PHACTR3: variants seen among roughly 807,000 people sequenced by gnomAD.
PHACTR3 encodes the protein protein phosphatase 1, regulatory subunit 123.
A neutral mutation model predicts 66.8 loss-of-function variants in PHACTR3; 16 were observed. The ratio of observed to expected loss-of-function variants is 0.24; its 90% confidence interval spans 0.16 to 0.36. PHACTR3 has a LOEUF of 0.36. Ranked by LOEUF, PHACTR3 falls within the 10% of genes least tolerant of loss-of-function variation. PHACTR3 has a pLI of 1.00. For synonymous variants in PHACTR3, 323 were observed against 292.1 expected, an observed-to-expected ratio of 1.11 and a Z score of -1.08; for missense variants, 647 against 719.9, an observed-to-expected ratio of 0.90 and a Z score of 1.16.
At chr20:59,791,104 T>A (rs1179413360) in intron 7 of PHACTR3, among the ~76,000 whole-genome samples, 1 of 152,156 alleles carries the variant, frequency 6.6e-6, no homozygotes, top group Non-Finnish European at 1.5e-5. Context: ...CCAAAACTCA[T>A]GTTGAAATTT....
intron 1 of PHACTR3, among the ~76,000 whole-genome samples, chr20:59,712,795 G>A (rs1316152421): frequency 6.6e-6 from 1 of 152,184 alleles, no homozygotes; most frequent in Admixed American, 6.5e-5. Context: ...ATTGGCTTGT[G>A]TTTCTCAGCT....
At chr20:59,789,611 G>A (rs374712367) in intron 7 of PHACTR3, among the ~76,000 whole-genome samples, 29 of 152,330 alleles carry the variant, frequency 1.9e-4, no homozygotes, top group African/African-American at 6.7e-4. Flanking sequence ...TGATCACAAT[G>A]AATGACCAGA....
rs563551369 is a variant in PHACTR3, at chr20:59,674,017, C to T, written c.118+68885C>T. Among the ~76,000 whole-genome samples the T allele has an allele frequency of 7.2e-5, 11 of 152,240 alleles. No homozygotes were observed. The East Asian group carries it at 1.9e-3, about 27-fold the overall frequency. Reference sequence around the variant, plus strand: ...CCGCGCTGGTCTCCAGACCTGCCTGCCCGAGGAGTCGAGCTTCTGATGAAA... The same window carrying T: ...CCGCGCTGGTCTCCAGACCTGCCTGTCCGAGGAGTCGAGCTTCTGATGAAA... On this transcript the variant is annotated intron_variant, in intron 1 of 12. Coordinates refer to ENST00000371015, the MANE Select transcript of PHACTR3 (RefSeq NM_080672.5).
intron 7 of PHACTR3, among the ~76,000 whole-genome samples, chr20:59,797,033 T>G (rs188111266): frequency 6.6e-6 from 1 of 152,318 alleles, no homozygotes; most frequent in African/African-American, 2.4e-5. Flanking sequence ...TTTCTTCATT[T>G]TTTAATCCTT....
intron 1 of PHACTR3, chr20:59,676,579 T>C (rs538713618): frequency 2.2e-5 from 8 of 369,026 alleles, no homozygotes; most frequent in African/African-American, 1.6e-4. Flanking sequence ...CTGCGCCGGG[T>C]TGGAGGTTTT....
intron 12 of PHACTR3, among the ~76,000 whole-genome samples, chr20:59,846,819 T>TCTACTGATTTAGC (rs1159893969): frequency 6.6e-6 from 1 of 152,222 alleles, no homozygotes; most frequent in East Asian, 1.9e-4. Flanking sequence ...ATTCATCATT[T>TCTACTGATTTAGC]CTACTGATTT....
chr20:59,819,686 G>C (rs977345978), intron 8 of PHACTR3, among the ~76,000 whole-genome samples: 1 of 152,010 alleles, frequency 6.6e-6, no homozygotes, highest in Non-Finnish European at 1.5e-5. Context: ...GTCAACTGAG[G>C]CACCTGGTTG....
intron 1 of PHACTR3, among the ~76,000 whole-genome samples, chr20:59,686,224 T>C (rs1353073091): frequency 6.6e-6 from 1 of 152,122 alleles, no homozygotes; most frequent in African/African-American, 2.4e-5. Flanking sequence ...ATGAGAAGAG[T>C]GGCCAATAGC....
At chr20:59,793,002 G>A (rs1424492891) in intron 7 of PHACTR3, among the ~76,000 whole-genome samples, 1 of 152,102 alleles carries the variant, frequency 6.6e-6, no homozygotes. Flanking sequence ...CTCAAACATT[G>A]GCTTTCTGAG....
chr20:59,743,571 T>C (rs965176954), intron 2 of PHACTR3, among the ~76,000 whole-genome samples: 1 of 152,200 alleles, frequency 6.6e-6, no homozygotes, highest in African/African-American at 2.4e-5. Context: ...TCTGATTTAC[T>C]TAGGGCTGGG....
At chr20:59,580,877 A>C (rs1290451014) in intron 1 of PHACTR3, among the ~76,000 whole-genome samples, 1 of 152,224 alleles carries the variant, frequency 6.6e-6, no homozygotes, top group Non-Finnish European at 1.5e-5. Flanking sequence ...CACAGAAGCA[A>C]AAGGGCCATC....
intron 8 of PHACTR3, among the ~76,000 whole-genome samples, chr20:59,815,905 G>T (rs1268465854): frequency 6.6e-6 from 1 of 152,106 alleles, no homozygotes; most frequent in African/African-American, 2.4e-5. Context: ...TAGAGCAGCA[G>T]TCCCCATCCA....
At chr20:59,653,122 G>A (rs937332804) in intron 1 of PHACTR3, among the ~76,000 whole-genome samples, 10 of 151,956 alleles carry the variant, frequency 6.6e-5, no homozygotes, top group African/African-American at 2.4e-4. Flanking sequence ...TCTTATAATT[G>A]AAGACAGATG....
At position 59,677,570 on chromosome 20, in the gene PHACTR3, G is replaced by A. The variant is rs143183818; in HGVS notation, c.119-65537G>A. Among the ~76,000 whole-genome samples the A allele has an allele frequency of 6.8e-3, 1,037 of 152,276 alleles. 7 individuals are homozygous for A. The highest frequency in any genetic ancestry group is 9.2e-3 in the Non-Finnish European group (629 of 68,018). On this transcript the variant is annotated intron_variant, in intron 1 of 12. Transcript: ENST00000371015. The stretch of plus-strand genomic sequence containing the variant: ...ATTGGTTTCCAAAGGTGCCTGCTGC[G>A]TTTTTAAGCTGCAAGGTTTTATGTT...
At chr20:59,717,662 C>T (rs763350510) in intron 1 of PHACTR3, among the ~76,000 whole-genome samples, 5 of 151,882 alleles carry the variant, frequency 3.3e-5, no homozygotes, top group Non-Finnish European at 5.9e-5. Flanking sequence ...CTGGTGCTGG[C>T]GTAAACCATG....
chr20:59,670,605 T>TGGG (rs34092952), intron 1 of PHACTR3, among the ~76,000 whole-genome samples: 2 of 47,124 alleles, frequency 4.2e-5, no homozygotes, highest in African/African-American at 9.6e-5. Context: ...CTGCCGGGGG[T>TGGG]GGGGGGGGGG....
chr20:59,716,681 A>G (rs906475566), intron 1 of PHACTR3, among the ~76,000 whole-genome samples: 1 of 152,154 alleles, frequency 6.6e-6, no homozygotes, highest in Non-Finnish European at 1.5e-5. Flanking sequence ...CCTAGCATTT[A>G]CATGTTCATA....
chr20:59,775,324 C>A (rs1023451313), intron 7 of PHACTR3, among the ~76,000 whole-genome samples: 1 of 152,136 alleles, frequency 6.6e-6, no homozygotes, highest in African/African-American at 2.4e-5. Context: ...CGTTGCTGTT[C>A]TTCCTGGAAG....
chr20:59,679,458 C>T (rs11696283), intron 1 of PHACTR3, among the ~76,000 whole-genome samples: 4,306 of 152,292 alleles, frequency 0.028, 79 homozygotes, highest in Middle Eastern at 0.054. Flanking sequence ...TTCTTCATAA[C>T]AAACATTGTA....
Sources: gnomAD v4.1 joint callset for allele counts (sites outside exome capture counted in the v4.1 genomes callset) on GRCh38, gnomAD v4.1.1 for gene constraint, MANE v1.5 for transcripts, NCBI Gene and HGNC (gene_info 2026-07-23, HGNC 2026-07-21) for gene names.